The following BRD10 variants were observed in gnomAD, a reference collection of about 807,000 sequenced individuals.
BRD10 encodes uncharacterized bromodomain-containing protein 10.
chr9:5,893,233 CT>C, the BRD10 span, among the ~76,000 whole-genome samples: 9 of 152,242 alleles, frequency 5.9e-5, no homozygotes, highest in South Asian at 1.9e-3. Flanking sequence ...AACCCAGAGG[CT>C]GCAGGGACAT....
the BRD10 span, among the ~76,000 whole-genome samples, chr9:5,994,929 C>T: frequency 7.2e-6 from 1 of 139,310 alleles, no homozygotes; most frequent in Non-Finnish European, 1.5e-5. Context: ...GACAGAGTTT[C>T]GCTCTTGTTG....
chr9:5,913,868 A>G, the BRD10 span: 1 of 288,490 alleles, frequency 3.5e-6, no homozygotes. Context: ...CTGAGTAAGC[A>G]TCTTTGTAGT....
the BRD10 span, among the ~76,000 whole-genome samples, chr9:5,986,734 A>G: frequency 6.6e-6 from 1 of 152,218 alleles, no homozygotes; most frequent in Non-Finnish European, 1.5e-5. Flanking sequence ...AGTTACTATG[A>G]TATTTAACAG....
At chr9:5,892,590 C>G in the BRD10 span, 4 of 1,580,296 alleles carry the variant, frequency 2.5e-6, no homozygotes, top group Non-Finnish European at 3.5e-6. Flanking sequence ...TTCCAGTTTG[C>G]CGTTTGCTGA....
the BRD10 span, among the ~76,000 whole-genome samples, chr9:5,998,609 T>C: frequency 6.6e-6 from 1 of 152,170 alleles, no homozygotes; most frequent in East Asian, 1.9e-4. Flanking sequence ...AACTCAAACT[T>C]TGCATTTAAT....
chr9:5,879,328 T>C, the BRD10 span, among the ~76,000 whole-genome samples: 56 of 151,348 alleles, frequency 3.7e-4, no homozygotes, highest in African/African-American at 1.2e-3. Context: ...CCGGGTGTGA[T>C]GGTGCACTCC....
the BRD10 span, among the ~76,000 whole-genome samples, chr9:5,993,807 C>A: frequency 5.9e-5 from 9 of 152,288 alleles, no homozygotes; most frequent in East Asian, 1.7e-3. Flanking sequence ...TTCTGGGGCA[C>A]AGAGCACAGT....
chr9:5,883,763 C>A, the BRD10 span, among the ~76,000 whole-genome samples: 2 of 152,154 alleles, frequency 1.3e-5, no homozygotes, highest in Non-Finnish European at 2.9e-5. Context: ...TGAGCCACTG[C>A]ACCCACCCCC....
the BRD10 span, among the ~76,000 whole-genome samples, chr9:5,898,737 T>C: frequency 1.3e-5 from 2 of 152,212 alleles, no homozygotes; most frequent in Non-Finnish European, 2.9e-5. Flanking sequence ...CTGCTCTTCC[T>C]ACTTTTCTTC....
chr9:5,989,523 G>C, the BRD10 span, among the ~76,000 whole-genome samples: 2 of 150,130 alleles, frequency 1.3e-5, no homozygotes, highest in East Asian at 1.9e-4. Flanking sequence ...ATAGGCTAAA[G>C]GTTCATTAAA....
At chr9:5,985,902 G>C in the BRD10 span, among the ~76,000 whole-genome samples, 1 of 152,096 alleles carries the variant, frequency 6.6e-6, no homozygotes, top group Non-Finnish European at 1.5e-5. Context: ...AAGGAAACTA[G>C]ATGGCATTTA....
chr9:5,952,662 C>T, the BRD10 span, among the ~76,000 whole-genome samples: 1 of 152,138 alleles, frequency 6.6e-6, no homozygotes, highest in Non-Finnish European at 1.5e-5. Flanking sequence ...AAAGTCTATT[C>T]ACTAAGATGG....
At chr9:5,977,102 G>A in the BRD10 span, among the ~76,000 whole-genome samples, 8 of 152,216 alleles carry the variant, frequency 5.3e-5, no homozygotes, top group Non-Finnish European at 1.0e-4. Context: ...TAGCAGGTCA[G>A]TATAAGAGAC....
the BRD10 span, among the ~76,000 whole-genome samples, chr9:5,885,866 G>T: frequency 2.0e-5 from 3 of 152,196 alleles, no homozygotes; most frequent in African/African-American, 7.2e-5. Flanking sequence ...ATGTGGCCTT[G>T]CCTTCTCTGC....
At chr9:5,883,275 T>C in the BRD10 span, among the ~76,000 whole-genome samples, 1 of 152,204 alleles carries the variant, frequency 6.6e-6, no homozygotes, top group Non-Finnish European at 1.5e-5. Flanking sequence ...ATCTTTTGTT[T>C]TGGAGAACCT....
chr9:5,968,308 T>C, the BRD10 span: 9 of 1,611,078 alleles, frequency 5.6e-6, no homozygotes, highest in South Asian at 5.5e-5. Context: ...TTACATGTAT[T>C]TGGCAAGATT....
the BRD10 span, chr9:5,921,863 C>A: frequency 6.2e-7 from 1 of 1,613,886 alleles, no homozygotes; most frequent in Non-Finnish European, 8.5e-7. Context: ...ATCACCACTG[C>A]CAGTGGTGTG....
At chr9:5,992,103 T>C in the BRD10 span, among the ~76,000 whole-genome samples, 8 of 152,214 alleles carry the variant, frequency 5.3e-5, no homozygotes, top group Non-Finnish European at 1.0e-4. Context: ...CGATACCCTA[T>C]CACTCTCTAT....
At chr9:5,906,313 G>A in the BRD10 span, among the ~76,000 whole-genome samples, 320 of 145,730 alleles carry the variant, frequency 2.2e-3, 2 homozygotes, top group Admixed American at 5.5e-3. Context: ...CTGGGCAACA[G>A]AGTGAGACTC....
Sources: gnomAD v4.1 joint callset for allele counts (sites outside exome capture counted in the v4.1 genomes callset) on GRCh38, gnomAD v4.1.1 for gene constraint, MANE v1.5 for transcripts, NCBI Gene and HGNC (gene_info 2026-07-23, HGNC 2026-07-21) for gene names.